Variants in CUBN observed in about 807,000 individuals in gnomAD.
CUBN encodes 460 kDa receptor.
A neutral mutation model predicts 405.3 loss-of-function variants in CUBN; 282 were observed. That is an observed-to-expected ratio of 0.70 (90% CI 0.63 to 0.77). CUBN has a LOEUF of 0.77. Among genes scored for constraint, CUBN ranks in the 30% least tolerant of loss-of-function variants. The pLI is 0.00. For missense variants in CUBN, 4,514 were observed against 4,475.2 expected (o/e 1.01, Z -0.25); for synonymous variants, 1,684 against 1,617.0 (o/e 1.04, Z -0.99).
intron 64 of CUBN, 113 bp from the exon 65 acceptor site, chr10:16,831,530 T>G (rs1838994193): frequency 2.0e-6 from 2 of 997,706 alleles, no homozygotes; most frequent in Non-Finnish European, 3.1e-6. Flanking sequence ...TGTCTTTTTA[T>G]ACAGTTAAGA....
intron 58 of CUBN, among the ~76,000 whole-genome samples, chr10:16,870,581 C>T (rs566453483): frequency 6.6e-6 from 1 of 152,302 alleles, no homozygotes; most frequent in East Asian, 1.9e-4. Flanking sequence ...ACGGAAGAAG[C>T]TTTACAAATG....
intron 27 of CUBN, among the ~76,000 whole-genome samples, chr10:17,025,625 A>G (rs549569992): frequency 1.3e-5 from 2 of 152,252 alleles, no homozygotes; most frequent in South Asian, 4.1e-4. Context: ...TTTTCCAGAG[A>G]AACCACCCAA....
In CUBN at chr10:16,864,387, G is replaced by A. The variant is rs530413144; in HGVS notation, c.9454+5249C>T. On this transcript the variant is annotated intron_variant, in intron 59 of 66. Coordinates refer to ENST00000377833, the MANE Select transcript of CUBN (RefSeq NM_001081.4). ...GCCACCCTCCAACCTTGGAAATAGG[G>A]TTGGGCGGGGGGCTTGAAAATTTGG... Among the ~76,000 whole-genome samples, 28 of 152,236 alleles carry A rather than the reference G, an allele frequency of 1.8e-4. No individual in the cohort carries two copies. The East Asian group carries it at 3.3e-3, about 18-fold the overall frequency.
chr10:16,849,817 A>C (rs996396100), intron 60 of CUBN, among the ~76,000 whole-genome samples: 1 of 151,976 alleles, frequency 6.6e-6, no homozygotes, highest in Non-Finnish European at 1.5e-5. Flanking sequence ...ACAGCTGCTG[A>C]TTTCAGGTTA....
chr10:17,020,775 AAT>A (rs1564482583), intron 27 of CUBN, among the ~76,000 whole-genome samples: 4 of 152,194 alleles, frequency 2.6e-5, no homozygotes, highest in Admixed American at 2.0e-4. Context: ...CCACAAATAT[AAT>A]GTATTTATAT....
rs188648759 is a variant in CUBN, at chr10:17,118,367, C to T, written c.594-2770G>A. On this transcript the variant is annotated intron_variant, in intron 6 of 66. Coordinates refer to ENST00000377833, the MANE Select transcript of CUBN (RefSeq NM_001081.4). ...CTACCCGACTCCTGCACCATTGTTC[C>T]TGCATGTTATATTCTTACATTCTGA... Among the ~76,000 whole-genome samples, 27 of 152,312 alleles carry T rather than the reference C, an allele frequency of 1.8e-4. No individual in the cohort carries two copies. The East Asian group carries it at 4.8e-3, about 27-fold the overall frequency.
chr10:16,923,174 C>G (rs1305793668), intron 43 of CUBN, among the ~76,000 whole-genome samples: 1 of 151,862 alleles, frequency 6.6e-6, no homozygotes, highest in Non-Finnish European at 1.5e-5. Flanking sequence ...GCTTGTCTGT[C>G]TCCTTTACCA....
chr10:17,094,288 G>A (rs1170214782), intron 14 of CUBN, among the ~76,000 whole-genome samples: 1 of 152,004 alleles, frequency 6.6e-6, no homozygotes, highest in Non-Finnish European at 1.5e-5. Flanking sequence ...GAGCTAATAG[G>A]AAATGGTCAA....
In CUBN at chr10:16,971,952, C is replaced by T. The variant is rs541497475; in HGVS notation, c.4695+10532G>A. ...AACCACTGTGACCTTGAGTCTTCCACCACCACCCGCCACAATCCTGCTCCT... is the reference window on the plus strand; with the variant it reads ...AACCACTGTGACCTTGAGTCTTCCATCACCACCCGCCACAATCCTGCTCCT... On this transcript the variant is annotated intron_variant, in intron 31 of 66. Transcript: ENST00000377833. Among the ~76,000 whole-genome samples the T allele has an allele frequency of 5.9e-5, 9 of 152,130 alleles. No individual in the cohort carries two copies. In the South Asian group the frequency reaches 1.9e-3, roughly 32 times the overall value.
chr10:17,023,653 C>T (rs1446215023), intron 27 of CUBN: 18 of 455,744 alleles, frequency 3.9e-5, no homozygotes, highest in Non-Finnish European at 6.6e-5. Flanking sequence ...TACTGACAAG[C>T]AAGCTGGAGT....
Position 17,051,057 on chromosome 10 carries a change from T to TA in CUBN, c.3140-3455dup, listed in dbSNP as rs749720884. Among the ~76,000 whole-genome samples, 240 of 150,100 alleles carry TA rather than the reference T, an allele frequency of 1.6e-3. 1 individual carries two copies. The highest frequency in any genetic ancestry group is 2.5e-3 in the Non-Finnish European group (168 of 67,434). On this transcript the variant is annotated intron_variant, in intron 22 of 66. Coordinates refer to ENST00000377833, the MANE Select transcript of CUBN (RefSeq NM_001081.4). ...TAAAACCCAAAACTATTACAAATAT[T>TA]AAAAAAAAAGAGAGAAAATATGGGC... is the stretch of plus-strand genomic sequence containing the variant.
chr10:16,828,081 G>T (rs17139292), intron 66 of CUBN, among the ~76,000 whole-genome samples: 1 of 152,110 alleles, frequency 6.6e-6, no homozygotes, highest in Non-Finnish European at 1.5e-5. Context: ...ATAGAGCCAC[G>T]TGTCCAAATT....
intron 45 of CUBN, 50 bp from the exon 46 acceptor site, chr10:16,916,080 A>T: frequency 6.4e-7 from 1 of 1,569,578 alleles, no homozygotes; most frequent in Non-Finnish European, 8.7e-7. Context: ...GCAAGCAAGA[A>T]AGATTGATTC....
At chr10:16,836,801 T>C (rs1839183163) in intron 62 of CUBN, among the ~76,000 whole-genome samples, 1 of 152,098 alleles carries the variant, frequency 6.6e-6, no homozygotes. Context: ...TGCTACCCCT[T>C]AGCAAATCTA....
chr10:16,951,169 C>T (rs918509808), intron 33 of CUBN, among the ~76,000 whole-genome samples: 1 of 152,200 alleles, frequency 6.6e-6, no homozygotes, highest in African/African-American at 2.4e-5. Context: ...GCACAAACTT[C>T]TCAGTTCAAG....
chr10:17,053,549 A>G (rs1365700297), intron 22 of CUBN, among the ~76,000 whole-genome samples: 1 of 152,124 alleles, frequency 6.6e-6, no homozygotes, highest in African/African-American at 2.4e-5. Flanking sequence ...ATGTGCATGC[A>G]TGAAGTAATA....
Position 16,828,852 on chromosome 10 carries a change from C to A in CUBN, c.10717G>T (p.Asp3573Tyr). ...GATGGAGAGCTGGCGTTGGGCCCAT[C>A]ATAGAGTGTGAGATAGTTCTGGACA... ...DCVQNYLTLY[D>Y]GPNASSPSSG... Residue 3573 changes from aspartate (D) to tyrosine (Y), a missense_variant, in exon 66 of 67, where the codon GAT becomes TAT. By Grantham distance (160) the Asp-to-Tyr change is radical (BLOSUM62 -3). Around this residue, in one of 5 missense-constraint regions of CUBN, gnomAD observed 1,186 missense variants for 1,186.9 expected, o/e 1.00. Transcript: ENST00000377833. 1 of 1,614,208 alleles carries A rather than the reference C, an allele frequency of 6.2e-7. No individual in the cohort carries two copies. Among genetic ancestry groups the A allele is most frequent in the Non-Finnish European group, 8.5e-7 (1 of 1,180,032 alleles).
chr10:16,868,381 T>C (rs72771379), intron 59 of CUBN, among the ~76,000 whole-genome samples: 6,341 of 152,320 alleles, frequency 0.042, 198 homozygotes, highest in Non-Finnish European at 0.066. Flanking sequence ...ATCCACACTA[T>C]GGAAGAAACA....
Position 16,982,618 on chromosome 10 carries a change from T to C in CUBN, c.4561A>G (p.Ile1521Val). 6.2e-7 allele frequency: 1 copy of C among 1,613,152 alleles called. No homozygotes were observed. The highest frequency in any genetic ancestry group is 8.5e-7 in the Non-Finnish European group (1 of 1,179,230). ...GGIFQAPSGE[I>V]HSPNYPSPYR... ...GGACTGGGGTAATTTGGAGAATGAA[T>C]CTCTCCACTGGGAGCCTGGAAAATC... is the stretch of plus-strand genomic sequence containing the variant. The change falls in exon 31 of 67, where the codon ATT (isoleucine) becomes GTT (valine). Residue 1521 changes from isoleucine to valine, a missense_variant. Physicochemically the swap from Ile to Val is conservative, Grantham distance 29 (BLOSUM62 3). Transcript: ENST00000377833.
Sources: allele counts gnomAD v4.1 joint callset (sites outside exome capture counted in the v4.1 genomes callset), GRCh38; gene constraint gnomAD v4.1.1; regional missense constraint gnomAD v4.1.1; transcripts MANE v1.5; gene names NCBI Gene and HGNC (gene_info 2026-07-23, HGNC 2026-07-21).